The following SDK1 variants were observed in gnomAD, a reference collection of about 807,000 sequenced individuals.
SDK1 encodes the protein protein sidekick-1.
SDK1 carries 157 observed loss-of-function variants against 245.5 expected under a neutral mutation model. That is an observed-to-expected ratio of 0.64 (90% CI 0.56 to 0.73). The LOEUF is 0.73. Ranked by LOEUF, SDK1 falls within the 30% of genes least tolerant of loss-of-function variation. The pLI, the probability that SDK1 is intolerant of heterozygous loss-of-function variation, is 0.00. For missense variants in SDK1, 3,583 were observed against 3,002.3 expected (o/e 1.19, Z -4.52); for synonymous variants, 1,647 against 1,278.5 (o/e 1.29, Z -6.15).
rs1366368743 is a variant in SDK1 at position 3,834,194 on chromosome 7, C to T, written c.847+12611C>T. ...CTGTCCCTAAGTGTATGATTCTCCC[C>T]AACTCCCTGCCCTTTAAACACTCAG... is the stretch of plus-strand genomic sequence containing the variant. On this transcript the variant is annotated intron_variant, in intron 5 of 44. Coordinates refer to ENST00000404826, the MANE Select transcript of SDK1 (RefSeq NM_152744.4). Among the ~76,000 whole-genome samples the T allele has an allele frequency of 2.0e-5, 3 of 152,320 alleles. No homozygotes were observed. The East Asian group carries it at 5.8e-4, about 29-fold the overall frequency.
intron 1 of SDK1, among the ~76,000 whole-genome samples, chr7:3,461,292 G>A (rs1275889646): frequency 6.6e-6 from 1 of 152,148 alleles, no homozygotes; most frequent in African/African-American, 2.4e-5. Flanking sequence ...TGACAATTCT[G>A]TGAGCGACAT....
chr7:4,213,997 A>G (rs1049727830), intron 38 of SDK1, among the ~76,000 whole-genome samples: 32 of 152,180 alleles, frequency 2.1e-4, no homozygotes, highest in African/African-American at 7.7e-4. Flanking sequence ...TGTGCTCAGC[A>G]CTTAACATCC....
Position 4,241,815 on chromosome 7 carries a change from G to C in SDK1, c.6153G>C (p.Glu2051Asp), listed in dbSNP as rs1786538548. The C allele has an allele frequency of 6.2e-7, 1 of 1,614,078 alleles. No homozygotes were observed. The change falls in exon 43 of 45, where the codon GAG becomes GAC. Residue 2051 changes from glutamate (E) to aspartate (D), a missense_variant. Glu to Asp is a conservative substitution (Grantham distance 45, BLOSUM62 2). Transcript: ENST00000404826. ...TAGGAAAGGGGATCTCCACCATGGA[G>C]GAGTCTGTGACCCTGGACAACGGAG... is the stretch of plus-strand genomic sequence containing the variant. ...CSTGKGISTM[E>D]ESVTLDNGGF...
chr7:3,609,412 T>C (rs1416305071), intron 1 of SDK1, among the ~76,000 whole-genome samples: 35 of 149,602 alleles, frequency 2.3e-4, no homozygotes, highest in Admixed American at 2.3e-3. Flanking sequence ...TTTCTTTTTC[T>C]TTTTTTGAGA....
rs2128156398 is a variant in SDK1 at position 4,026,470 on chromosome 7, TG to T, written c.2602+9119del. ...GACGACTGGCTTCACGAGGGCCCGG[TG>T]TGCAGACAGCCTGCCAGGGCCTGCG... is the stretch of plus-strand genomic sequence containing the variant. On this transcript the variant is annotated intron_variant, in intron 17 of 44. Transcript: ENST00000404826. This position sits in a 1 kb window ranked among gnomAD's most constrained non-coding sequence, Gnocchi z 4.1. 6.6e-6 allele frequency among the ~76,000 whole-genome samples: 1 copy of T among 152,362 alleles called. No individual in the cohort carries two copies. Among genetic ancestry groups the T allele is most frequent in the East Asian group, 1.9e-4 (1 of 5,180 alleles).
At chr7:3,945,452 A>G (rs1780536732) in intron 5 of SDK1, among the ~76,000 whole-genome samples, 1 of 152,248 alleles carries the variant, frequency 6.6e-6, no homozygotes, top group Non-Finnish European at 1.5e-5. Context: ...AGAACTTCAG[A>G]AAGTATTTAT....
In SDK1 at chr7:4,266,514, T is replaced by TGCC; in HGVS notation, c.*1131_*1133dup. ...GCTTCTCCACCACTGGCGCTGCTGC[T>TGCC]GCCCCCTCTCCCAGTCCGAGGCCAG... is the stretch of plus-strand genomic sequence containing the variant. On this transcript the variant is annotated 3_prime_UTR_variant, in exon 45 of 45. Coordinates refer to ENST00000404826, the MANE Select transcript of SDK1 (RefSeq NM_152744.4). The TGCC allele has an allele frequency of 1.0e-6, 1 of 985,458 alleles. No homozygotes were observed. Among genetic ancestry groups the TGCC allele is most frequent in the Non-Finnish European group, 1.2e-6 (1 of 829,928 alleles). The allele number at this position is 985,458 out of a possible 1,614,324, so 61.0% of individuals were successfully genotyped here. A position where few individuals can be genotyped will look rare whatever the true frequency, so the allele number is the denominator to read the frequency against.
intron 1 of SDK1, among the ~76,000 whole-genome samples, chr7:3,471,448 A>T (rs1221684432): frequency 6.6e-6 from 1 of 152,182 alleles, no homozygotes; most frequent in Non-Finnish European, 1.5e-5. Flanking sequence ...ATTTCACACC[A>T]TTATTTTTAA....
chr7:3,673,097 C>G (rs964200952), intron 4 of SDK1, among the ~76,000 whole-genome samples: 32 of 151,732 alleles, frequency 2.1e-4, no homozygotes, highest in African/African-American at 7.8e-4. Context: ...AGCATTTGAC[C>G]AATTTGTAAG....
intron 4 of SDK1, among the ~76,000 whole-genome samples, chr7:3,669,145 T>C (rs1783620633): frequency 3.9e-5 from 6 of 152,208 alleles, no homozygotes; most frequent in Non-Finnish European, 5.9e-5. Context: ...AATAAGGTGG[T>C]AAAACATATT....
intron 4 of SDK1, among the ~76,000 whole-genome samples, chr7:3,699,511 A>G (rs1308328222): frequency 2.0e-5 from 3 of 152,220 alleles, no homozygotes; most frequent in African/African-American, 7.2e-5. Flanking sequence ...TTGATGATGT[A>G]CTCAACAGCA....
chr7:3,743,203 CAT>C (rs1372029942), intron 4 of SDK1, among the ~76,000 whole-genome samples: 2 of 152,040 alleles, frequency 1.3e-5, no homozygotes, highest in African/African-American at 4.8e-5. Context: ...TGGGGAGACT[CAT>C]GTGAGGGGTA....
At chr7:3,318,782 C>G (rs545802541) in intron 1 of SDK1, among the ~76,000 whole-genome samples, 1 of 152,110 alleles carries the variant, frequency 6.6e-6, no homozygotes, top group African/African-American at 2.4e-5. Flanking sequence ...GGTTTTAGTA[C>G]TAGAAAAACT....
At chr7:4,001,833 G>A (rs1001459812) in intron 14 of SDK1, among the ~76,000 whole-genome samples, 3 of 152,116 alleles carry the variant, frequency 2.0e-5, no homozygotes, top group Admixed American at 6.5e-5. Context: ...TTTCTCAGGC[G>A]TCCTCAGTGG....
chr7:3,382,055 C>A (rs1232743906), intron 1 of SDK1, among the ~76,000 whole-genome samples: 3 of 152,142 alleles, frequency 2.0e-5, no homozygotes, highest in African/African-American at 7.2e-5. Context: ...AAACACCTTC[C>A]CTATGCACAA....
intron 4 of SDK1, among the ~76,000 whole-genome samples, chr7:3,808,874 A>AT (rs1225892735): frequency 6.6e-6 from 1 of 151,984 alleles, no homozygotes; most frequent in African/African-American, 2.4e-5. Flanking sequence ...TAAAAATTGG[A>AT]TTTTCATATT....
chr7:3,870,569 G>GA (rs11346429), intron 5 of SDK1, among the ~76,000 whole-genome samples: 8 of 148,432 alleles, frequency 5.4e-5, no homozygotes, highest in Admixed American at 6.7e-5. Context: ...TTGTAAAAAA[G>GA]AAAAAAAAAA....
chr7:4,256,279 C>T (rs1031061963), intron 44 of SDK1, among the ~76,000 whole-genome samples: 1 of 152,210 alleles, frequency 6.6e-6, no homozygotes, highest in African/African-American at 2.4e-5. Context: ...CATTGTTCCG[C>T]TGGGGAGAGG....
chr7:4,021,524 C>G lies in SDK1; in HGVS notation c.2602+4172C>G, dbSNP rs73298970. ...GCAGTAGGTGGGGCAGTCATAGCAG[C>G]AGCTCCGAGGTCATCAGAGATTCAG... is the stretch of plus-strand genomic sequence containing the variant. On this transcript the variant is annotated intron_variant, in intron 17 of 44. Coordinates refer to ENST00000404826, the MANE Select transcript of SDK1 (RefSeq NM_152744.4). 8.0e-3 allele frequency among the ~76,000 whole-genome samples: 1,225 copies of G among 152,308 alleles called. 16 individuals are homozygous for G. The highest frequency in any genetic ancestry group is 0.028 in the African/African-American group (1,163 of 41,564).
Sources: gnomAD v4.1 joint callset for allele counts (sites outside exome capture counted in the v4.1 genomes callset) on GRCh38, gnomAD v4.1.1 for gene constraint, Gnocchi (gnomAD v3.1) non-coding constraint, MANE v1.5 for transcripts, NCBI Gene and HGNC (gene_info 2026-07-23, HGNC 2026-07-21) for gene names.